The following TENM2 variants were observed in gnomAD, a reference collection of about 807,000 sequenced individuals.
TENM2 encodes teneurin-2.
TENM2 carries 52 observed loss-of-function variants against 245.2 expected under a neutral mutation model. That is an observed-to-expected ratio of 0.21 (90% CI 0.17 to 0.27). The LOEUF (loss-of-function observed/expected upper bound fraction) is 0.27, where lower values mean the gene tolerates loss of function less well. TENM2 is among the 10% of genes least tolerant of loss of function. The probability of loss-of-function intolerance (pLI) is 1.00; values close to 1 mark genes in which losing one functional copy is unlikely to be tolerated. For synonymous variants in TENM2, 1,363 were observed against 1,438.9 expected (o/e 0.95, Z 1.19); for missense variants, 3,046 against 3,666.8 (o/e 0.83, Z 4.37).
At chr5:167,670,697 T>C (rs1015231817) in intron 2 of TENM2, among the ~76,000 whole-genome samples, 3 of 152,186 alleles carry the variant, frequency 2.0e-5, no homozygotes, top group African/African-American at 4.8e-5. Context: ...CCTGTCTCTA[T>C]CCTTCCACTT....
chr5:167,943,659 G>A (rs1356547406), intron 3 of TENM2, among the ~76,000 whole-genome samples: 1 of 152,162 alleles, frequency 6.6e-6, no homozygotes, highest in Non-Finnish European at 1.5e-5. Context: ...CTCTGCCTGG[G>A]AAAGTGATAA....
At chr5:168,113,990 C>A (rs1237106221) in intron 9 of TENM2, among the ~76,000 whole-genome samples, 1 of 152,202 alleles carries the variant, frequency 6.6e-6, no homozygotes, top group Non-Finnish European at 1.5e-5. Context: ...AAAATGAAAT[C>A]TTTCCATTAG....
intron 1 of TENM2, chr5:167,309,864 G>C (rs113771321): frequency 3.3e-4 from 51 of 152,364 alleles, no homozygotes; most frequent in African/African-American, 1.2e-3. Flanking sequence ...GCTTCCCGGA[G>C]ACCCTTGTAG....
chr5:168,187,186 A>G (rs1760537123), intron 13 of TENM2: 1 of 152,230 alleles, frequency 6.6e-6, no homozygotes, highest in African/African-American at 2.4e-5. Flanking sequence ...TGCTTAGGCC[A>G]TCTCCTGCCA....
chr5:168,243,112 G>A (rs1703699851), intron 25 of TENM2, among the ~76,000 whole-genome samples: 1 of 152,164 alleles, frequency 6.6e-6, no homozygotes, highest in African/African-American at 2.4e-5. Flanking sequence ...CTTGCCTTCA[G>A]CAGCCACCCC....
intron 10 of TENM2, among the ~76,000 whole-genome samples, chr5:168,124,267 G>A (rs1795685778): frequency 6.6e-6 from 1 of 152,194 alleles, no homozygotes; most frequent in Admixed American, 6.5e-5. Context: ...CTCCTTCAGT[G>A]GGTGTGTGCT....
chr5:167,501,610 C>T (rs1282616333), intron 2 of TENM2, among the ~76,000 whole-genome samples: 1 of 152,142 alleles, frequency 6.6e-6, no homozygotes, highest in Non-Finnish European at 1.5e-5. Context: ...TTCTCCCAAA[C>T]TCTGCCACTT....
At chr5:168,064,219 C>T (rs1790298720) in intron 7 of TENM2, among the ~76,000 whole-genome samples, 1 of 152,142 alleles carries the variant, frequency 6.6e-6, no homozygotes, top group African/African-American at 2.4e-5. Flanking sequence ...GTGTCCTTGA[C>T]CTTCAGGCTC....
At chr5:167,347,321 C>T (rs990140064) in intron 1 of TENM2, among the ~76,000 whole-genome samples, 3 of 152,106 alleles carry the variant, frequency 2.0e-5, no homozygotes, top group Non-Finnish European at 4.4e-5. Flanking sequence ...ATGCAATTTG[C>T]TCTGAAAAGA....
intron 5 of TENM2, among the ~76,000 whole-genome samples, chr5:168,020,363 C>T (rs760273607): frequency 2.6e-5 from 4 of 152,176 alleles, no homozygotes; most frequent in Non-Finnish European, 5.9e-5. Flanking sequence ...TACCCACATT[C>T]CTGCTGTCCT....
At chr5:167,274,716 A>G in the TENM2 span, among the ~76,000 whole-genome samples, 1 of 151,646 alleles carries the variant, frequency 6.6e-6, no homozygotes, top group South Asian at 2.1e-4. Flanking sequence ...GGTTTGTAGT[A>G]ATGTGTCATT....
At chr5:167,912,953 C>T (rs1776661946) in intron 3 of TENM2, among the ~76,000 whole-genome samples, 1 of 152,044 alleles carries the variant, frequency 6.6e-6, no homozygotes, top group African/African-American at 2.4e-5. Flanking sequence ...CCAGATGGAA[C>T]AGGACCAGCC....
chr5:167,199,321 C>T, the TENM2 span, among the ~76,000 whole-genome samples: 1 of 152,032 alleles, frequency 6.6e-6, no homozygotes, highest in Non-Finnish European at 1.5e-5. Context: ...TCTAACCAGC[C>T]TGCTATCTGG....
At chr5:167,238,525 T>C in the TENM2 span, among the ~76,000 whole-genome samples, 4 of 152,064 alleles carry the variant, frequency 2.6e-5, no homozygotes, top group South Asian at 8.3e-4. Context: ...AATGACAAGA[T>C]TAGGTATTGA....
intron 2 of TENM2, among the ~76,000 whole-genome samples, chr5:167,478,361 ACT>A (rs539555764): frequency 6.5e-4 from 99 of 152,078 alleles, no homozygotes; most frequent in African/African-American, 2.1e-3. Context: ...CCAGGAGAAA[ACT>A]CTGCCAGGAA....
intron 2 of TENM2, among the ~76,000 whole-genome samples, chr5:167,475,872 C>A (rs1767338119): frequency 2.0e-5 from 3 of 151,982 alleles, no homozygotes; most frequent in Admixed American, 6.6e-5. Context: ...TGTATATGTG[C>A]CACATTTTCT....
chr5:167,889,503 A>G (rs1365130801), intron 3 of TENM2, among the ~76,000 whole-genome samples: 1 of 151,998 alleles, frequency 6.6e-6, no homozygotes, highest in Non-Finnish European at 1.5e-5. Flanking sequence ...TTTCATCTCA[A>G]TGACCTTTTG....
At chr5:167,354,198 A>G (rs539637015) in intron 1 of TENM2, among the ~76,000 whole-genome samples, 1 of 152,332 alleles carries the variant, frequency 6.6e-6, no homozygotes, top group Admixed American at 6.5e-5. Context: ...TGCCAAGTCA[A>G]CAAGTCAGTG....
chr5:167,760,948 G>A (rs1762626096), intron 2 of TENM2, among the ~76,000 whole-genome samples: 1 of 152,070 alleles, frequency 6.6e-6, no homozygotes. Context: ...ACCGCACCTG[G>A]CCTTACTGTT....
Sources: allele counts gnomAD v4.1 joint callset (sites outside exome capture counted in the v4.1 genomes callset), GRCh38; gene constraint gnomAD v4.1.1; transcripts MANE v1.5; gene names NCBI Gene and HGNC (gene_info 2026-07-23, HGNC 2026-07-21).